Variants in DGUOK observed in about 807,000 individuals in gnomAD.
The protein encoded by DGUOK is deoxyguanosine kinase.
DGUOK carries 30 observed loss-of-function variants against 36.6 expected under a neutral mutation model. That is an observed-to-expected ratio of 0.82 (90% CI 0.61 to 1.11). DGUOK has a LOEUF of 1.11. Among genes scored for constraint, DGUOK ranks in the 50% most tolerant of loss-of-function variants. The pLI, the probability that DGUOK is intolerant of heterozygous loss-of-function variation, is 0.00. For missense variants in DGUOK, 361 were observed against 336.4 expected, an observed-to-expected ratio of 1.07 and a Z score of -0.57; for synonymous variants, 145 against 126.3, an observed-to-expected ratio of 1.15 and a Z score of -0.99.
chr2:73,935,002 G>C (rs1019657047), intron 1 of DGUOK, among the ~76,000 whole-genome samples: 1 of 151,972 alleles, frequency 6.6e-6, no homozygotes, highest in Non-Finnish European at 1.5e-5. Context: ...CTTGAACCCA[G>C]GAAACAGAGG....
chr2:73,944,934 G>C (rs745376419), intron 2 of DGUOK, among the ~76,000 whole-genome samples: 1 of 149,788 alleles, frequency 6.7e-6, no homozygotes, highest in Non-Finnish European at 1.5e-5. Context: ...CAGGGGCCAC[G>C]TGTGAGGCTG....
intron 4 of DGUOK, among the ~76,000 whole-genome samples, chr2:73,953,719 CTTTTTTTT>C (rs386390474): frequency 3.1e-5 from 3 of 95,788 alleles, no homozygotes; most frequent in Non-Finnish European, 5.9e-5. Context: ...TCCCTAACTT[CTTTTTTTT>C]TTTTTTTTTT....
At chr2:73,938,386 C>T (rs1681638129) in intron 1 of DGUOK, among the ~76,000 whole-genome samples, 1 of 152,218 alleles carries the variant, frequency 6.6e-6, no homozygotes. Flanking sequence ...CCCATACAAG[C>T]TCTGTGACGA....
In DGUOK at chr2:73,945,842, G is replaced by A. The variant is rs1573545424; in HGVS notation, c.256-877G>A. Reference sequence around the variant, plus strand: ...GTTCGAGACCAGCCTGGCCAACATGGTGAAACCCTGTCTCTACTAAAAATA... The same window carrying A: ...GTTCGAGACCAGCCTGGCCAACATGATGAAACCCTGTCTCTACTAAAAATA... On this transcript the variant is annotated intron_variant, in intron 2 of 6. Coordinates refer to ENST00000264093, the MANE Select transcript of DGUOK (RefSeq NM_080916.3). 2.0e-5 allele frequency among the ~76,000 whole-genome samples: 3 copies of A among 152,172 alleles called. No homozygotes were observed. The South Asian group carries it at 6.2e-4, about 32-fold the overall frequency.
At chr2:73,935,557 C>T (rs1350104948) in intron 1 of DGUOK, among the ~76,000 whole-genome samples, 1 of 152,168 alleles carries the variant, frequency 6.6e-6, no homozygotes, top group Non-Finnish European at 1.5e-5. Flanking sequence ...AACCATGTAA[C>T]TTTGAATTAT....
At chr2:73,932,825 T>C (rs1573509235) in intron 1 of DGUOK, 1 of 347,148 alleles carries the variant, frequency 2.9e-6, no homozygotes, top group East Asian at 8.3e-5. Flanking sequence ...CGAAGCCATA[T>C]AAGATGTGTG....
intron 2 of DGUOK, among the ~76,000 whole-genome samples, chr2:73,940,074 G>C (rs1681789721): frequency 6.6e-6 from 1 of 151,920 alleles, no homozygotes; most frequent in African/African-American, 2.4e-5. Flanking sequence ...GATACTTTTT[G>C]TATCTTTAGT....
chr2:73,927,513 C>A (rs939574216), intron 1 of DGUOK, among the ~76,000 whole-genome samples: 2 of 152,190 alleles, frequency 1.3e-5, no homozygotes, highest in Non-Finnish European at 2.9e-5. Flanking sequence ...CGAAATCACT[C>A]ATTGAAAGTT....
At chr2:73,956,575 A>G (rs1683109009) in intron 4 of DGUOK, among the ~76,000 whole-genome samples, 1 of 152,224 alleles carries the variant, frequency 6.6e-6, no homozygotes, top group African/African-American at 2.4e-5. Flanking sequence ...GGATGGGTAG[A>G]CAATGAGGAA....
Position 73,958,188 on chromosome 2 carries a change from G to A in DGUOK, c.750G>A (p.Leu250=). 6.2e-7 allele frequency: 1 copy of A among 1,613,796 alleles called. No individual in the cohort carries two copies. The highest frequency in any genetic ancestry group is 8.5e-7 in the Non-Finnish European group (1 of 1,179,824). The change falls in exon 6 of 7, where the codon TTG becomes TTA. Residue 250 remains leucine, a synonymous_variant. Transcript: ENST00000264093. ...EALMNIPVLV[L]DVNDDFSEEV... is the part of the protein sequence containing the mutation. ...TGATGAACATTCCAGTGCTGGTGTT[G>A]GATGTCAATGATGATTTTTCTGAGG...
chr2:73,958,724 A>G lies in DGUOK; in HGVS notation c.822A>G (p.Val274=), dbSNP rs1005715751. ...CCTTCCCACAGGTAAACACCTTTGTAAAGAATCTGTAACCAATACCATGAA... is the reference window on the plus strand; with the variant it reads ...CCTTCCCACAGGTAAACACCTTTGTGAAGAATCTGTAACCAATACCATGAA... ...EDLMREVNTF[V]KNL Residue 274 remains valine, a synonymous_variant, in exon 7 of 7, where the codon GTA becomes GTG. Coordinates refer to ENST00000264093, the MANE Select transcript of DGUOK (RefSeq NM_080916.3). 1 of 1,611,818 alleles carries G rather than the reference A, an allele frequency of 6.2e-7. No individual in the cohort carries two copies. The highest frequency in any genetic ancestry group is 1.3e-5 in the African/African-American group (1 of 74,894).
At chr2:73,938,566 A>G (rs528431548) in intron 1 of DGUOK, among the ~76,000 whole-genome samples, 1 of 152,340 alleles carries the variant, frequency 6.6e-6, no homozygotes, top group South Asian at 2.1e-4. Context: ...CACAGTACAA[A>G]TAGAATGGTG....
At chr2:73,933,967 C>G (rs941181429) in intron 1 of DGUOK, among the ~76,000 whole-genome samples, 1 of 152,024 alleles carries the variant, frequency 6.6e-6, no homozygotes, top group African/African-American at 2.4e-5. Flanking sequence ...TATGTTCTGA[C>G]TTTGTTGGAT....
chr2:73,933,691 T>C (rs948441211), intron 1 of DGUOK, among the ~76,000 whole-genome samples: 1 of 152,278 alleles, frequency 6.6e-6, no homozygotes, highest in Admixed American at 6.5e-5. Context: ...TGCTGACTGA[T>C]TTTTATTAAC....
chr2:73,934,970 A>G (rs1681346580), intron 1 of DGUOK, among the ~76,000 whole-genome samples: 1 of 151,764 alleles, frequency 6.6e-6, no homozygotes, highest in Non-Finnish European at 1.5e-5. Flanking sequence ...CAGCTACTCA[A>G]GAGGCTGAGG....
At chr2:73,953,978 A>G (rs1015987219) in intron 4 of DGUOK, among the ~76,000 whole-genome samples, 2 of 151,744 alleles carry the variant, frequency 1.3e-5, no homozygotes, top group African/African-American at 4.8e-5. Context: ...TCGGCCTCCC[A>G]AAGTGCTGGG....
In DGUOK at chr2:73,935,443, AAAAC is replaced by A. The variant is rs1292071900; in HGVS notation, c.143-3452_143-3449del. ...CTGTGAACATCTTGAAACATTTGTC[AAAAC>A]AAACAAACAAACAACACCCCAGCAA... On this transcript the variant is annotated intron_variant, in intron 1 of 6. Coordinates refer to ENST00000264093, the MANE Select transcript of DGUOK (RefSeq NM_080916.3). Among the ~76,000 whole-genome samples, 82 of 152,296 alleles carry A rather than the reference AAAAC, an allele frequency of 5.4e-4. 2 individuals carry two copies. The highest frequency in any genetic ancestry group is 6.8e-3 in the Middle Eastern group (2 of 294).
At chr2:73,944,817 G>A (rs1682165320) in intron 2 of DGUOK, among the ~76,000 whole-genome samples, 1 of 152,166 alleles carries the variant, frequency 6.6e-6, no homozygotes, top group Admixed American at 6.5e-5. Context: ...CATACAGTGT[G>A]TGAATTGTGC....
chr2:73,950,214 G>T (rs1682608116), intron 3 of DGUOK, among the ~76,000 whole-genome samples: 1 of 152,120 alleles, frequency 6.6e-6, no homozygotes, highest in South Asian at 2.1e-4. Context: ...ATAATAATAA[G>T]GAAATCTCAA....
Sources: allele counts gnomAD v4.1 joint callset (sites outside exome capture counted in the v4.1 genomes callset), GRCh38; gene constraint gnomAD v4.1.1; transcripts MANE v1.5; gene names NCBI Gene and HGNC (gene_info 2026-07-23, HGNC 2026-07-21).